The following DDAH1 variants were observed in gnomAD, a reference collection of about 807,000 sequenced individuals.
DDAH1 encodes the protein dimethylarginine dimethylaminohydrolase 1, also known as N(G),N(G)-dimethylarginine dimethylaminohydrolase 1.
Under a neutral mutation model 28.8 loss-of-function variants are expected in DDAH1, and 19 were observed. The observed-to-expected ratio is 0.66, with a 90% CI of 0.46 to 0.97. The LOEUF is 0.97. DDAH1 is among the 50% of genes least tolerant of loss of function. The pLI, the probability that DDAH1 is intolerant of heterozygous loss-of-function variation, is 0.00. For missense variants in DDAH1, 326 were observed against 375.9 expected, an observed-to-expected ratio of 0.87 and a Z score of 1.10; for synonymous variants, 153 against 154.4, an observed-to-expected ratio of 0.99 and a Z score of 0.07.
intron 1 of DDAH1, among the ~76,000 whole-genome samples, chr1:85,545,658 C>T (rs746870040): frequency 2.0e-5 from 3 of 152,110 alleles, no homozygotes; most frequent in Non-Finnish European, 4.4e-5. Flanking sequence ...TCCCCTCCTC[C>T]TAATTTTCTC....
At chr1:85,400,766 T>C (rs1333050086) in intron 1 of DDAH1, among the ~76,000 whole-genome samples, 1 of 152,120 alleles carries the variant, frequency 6.6e-6, no homozygotes, top group African/African-American at 2.4e-5. Flanking sequence ...TTTATGCTGG[T>C]GGTTAGAAAG....
intron 1 of DDAH1, among the ~76,000 whole-genome samples, chr1:85,410,984 C>T (rs1034461003): frequency 6.6e-6 from 1 of 152,090 alleles, no homozygotes; most frequent in South Asian, 2.1e-4. Context: ...TCAAAGAACT[C>T]GTAGGCTGTT....
intron 1 of DDAH1, among the ~76,000 whole-genome samples, chr1:85,430,256 A>G (rs1041246302): frequency 2.6e-5 from 4 of 152,046 alleles, no homozygotes; most frequent in East Asian, 1.9e-4. Context: ...CCATTGGTCT[A>G]TATCTCTGTT....
chr1:85,368,199 T>G (rs1650173724), intron 1 of DDAH1, among the ~76,000 whole-genome samples: 1 of 152,174 alleles, frequency 6.6e-6, no homozygotes, highest in African/African-American at 2.4e-5. Flanking sequence ...AAAGCACAAT[T>G]GTTGCAGCTC....
rs1657895112 is a variant in DDAH1, at chr1:85,526,987, C to A, written c.-122-30706G>T. On this transcript the variant is annotated intron_variant, in intron 1 of 6. Coordinates refer to the DDAH1 transcript ENST00000426972. ...ATAAGAAAGGCAGCTAATAAGTGTT[C>A]CAGGGTAGAACTTCTATTTCTTGAA... is the stretch of plus-strand genomic sequence containing the variant. Among the ~76,000 whole-genome samples the A allele has an allele frequency of 4.6e-5, 7 of 152,118 alleles. 1 individual carries two copies. In the South Asian group the frequency reaches 1.5e-3, roughly 32 times the overall value.
rs563427023 is a variant in DDAH1, at chr1:85,329,071, G to T, written c.598-4188C>A. 1.2e-3 allele frequency among the ~76,000 whole-genome samples: 176 copies of T among 152,340 alleles called. 1 individual carries two copies. Among genetic ancestry groups the T allele is most frequent in the Non-Finnish European group, 2.0e-3 (135 of 68,028 alleles). On this transcript the variant is annotated intron_variant, in intron 4 of 5. Transcript: ENST00000284031. ...GGCCTGACTTTATTCACTGGATCTA[G>T]CGGTCTGGGCAAATTCCCCACCTCT...
At chr1:85,326,413 A>G (rs1197844351) in intron 4 of DDAH1, among the ~76,000 whole-genome samples, 1 of 152,258 alleles carries the variant, frequency 6.6e-6, no homozygotes, top group Non-Finnish European at 1.5e-5. Context: ...CACCATGCCA[A>G]ACATTTTACA....
chr1:85,506,745 T>C (rs922211290), intron 1 of DDAH1, among the ~76,000 whole-genome samples: 1 of 152,164 alleles, frequency 6.6e-6, no homozygotes, highest in Non-Finnish European at 1.5e-5. Context: ...CTTTACCATG[T>C]GGGTGATGAG....
chr1:85,468,455 A>G (rs1345481432), upstream of DDAH1, among the ~76,000 whole-genome samples: 1 of 152,046 alleles, frequency 6.6e-6, no homozygotes, highest in Non-Finnish European at 1.5e-5. Context: ...ATGGCAGAAG[A>G]CGAAAGAAGA....
chr1:85,351,113 T>C (rs1287111565), intron 3 of DDAH1, among the ~76,000 whole-genome samples: 1 of 151,824 alleles, frequency 6.6e-6, no homozygotes, highest in African/African-American at 2.4e-5. Context: ...CCAGGCTCAT[T>C]TGGAACTCCT....
At chr1:85,327,664 T>C (rs905410672) in intron 4 of DDAH1, among the ~76,000 whole-genome samples, 1 of 152,126 alleles carries the variant, frequency 6.6e-6, no homozygotes, top group African/African-American at 2.4e-5. Context: ...ACACACTAAT[T>C]GTGTGACTTT....
rs115755976 is a variant in DDAH1 at position 85,500,791 on chromosome 1, G to A, written c.-122-4510C>T. Among the ~76,000 whole-genome samples the A allele has an allele frequency of 4.7e-3, 719 of 151,608 alleles. 4 individuals are homozygous for A. The highest frequency in any genetic ancestry group is 0.017 in the African/African-American group (695 of 41,404). ...TTCTCTATGTGCTTCAGCTGAGATC[G>A]TTTATATTGCCCTGTCTTCAATGTC... On this transcript the variant is annotated intron_variant, in intron 1 of 6. Coordinates refer to the DDAH1 transcript ENST00000426972.
chr1:85,327,966 C>T (rs1425551457), intron 4 of DDAH1, among the ~76,000 whole-genome samples: 1 of 152,198 alleles, frequency 6.6e-6, no homozygotes, highest in Non-Finnish European at 1.5e-5. Flanking sequence ...TTAAACGCTA[C>T]AGAGAACCTC....
intron 5 of DDAH1, among the ~76,000 whole-genome samples, chr1:85,322,819 A>C (rs1254193945): frequency 6.6e-6 from 1 of 152,124 alleles, no homozygotes; most frequent in Non-Finnish European, 1.5e-5. Context: ...CGGCTGAATC[A>C]GGGGGGCAGT....
intron 1 of DDAH1, among the ~76,000 whole-genome samples, chr1:85,435,684 G>A (rs12736004): frequency 0.16 from 23,817 of 152,244 alleles, 2,265 homozygotes; most frequent in Admixed American, 0.22. Flanking sequence ...AAGGCTTGAA[G>A]GAAGTGAGAG....
intron 1 of DDAH1, chr1:85,380,486 T>C (rs1490357668): frequency 2.0e-5 from 3 of 152,194 alleles, no homozygotes; most frequent in Non-Finnish European, 2.9e-5. Flanking sequence ...AGAGCTGAAA[T>C]GGTCATATTC....
chr1:85,517,855 G>A (rs1262106768), intron 1 of DDAH1, among the ~76,000 whole-genome samples: 1 of 152,058 alleles, frequency 6.6e-6, no homozygotes, highest in Non-Finnish European at 1.5e-5. Context: ...CCCATAAAAT[G>A]CTGGCTACTC....
At chr1:85,468,386 A>C, upstream of DDAH1, among the ~76,000 whole-genome samples, 1 of 152,214 alleles carries the variant, frequency 6.6e-6, no homozygotes, top group East Asian at 1.9e-4. Context: ...TGGGTAATTT[A>C]TAAAGGAAAG....
rs78812365 is a variant in DDAH1 at position 85,556,160 on chromosome 1, T to C, written c.-123+21824A>G. On this transcript the variant is annotated intron_variant, in intron 1 of 6. Coordinates refer to the DDAH1 transcript ENST00000426972. ...CTTTCCCCTTCCTCCTTCTCCTCCT[T>C]CTCCTCCTTCCCCTGGGAACCAAAG... Among the ~76,000 whole-genome samples, 890 of 151,160 alleles carry C rather than the reference T, an allele frequency of 5.9e-3. 4 individuals carry two copies. Among genetic ancestry groups the C allele is most frequent in the Non-Finnish European group, 9.9e-3 (673 of 67,728 alleles).
Sources: allele counts gnomAD v4.1 joint callset (sites outside exome capture counted in the v4.1 genomes callset), GRCh38; gene constraint gnomAD v4.1.1; transcripts MANE v1.5; gene names NCBI Gene and HGNC (gene_info 2026-07-23, HGNC 2026-07-21).